The following LYN variants were observed in gnomAD, a reference collection of about 807,000 sequenced individuals.
LYN encodes LYN proto-oncogene, Src family tyrosine kinase, also known as tyrosine-protein kinase Lyn.
In LYN, 12 loss-of-function variants were observed where a neutral mutation model predicts 65.0. That is an observed-to-expected ratio of 0.18 (90% CI 0.12 to 0.30). The LOEUF is 0.30. LYN is among the 10% of genes least tolerant of loss of function. LYN has a pLI of 1.00. For synonymous variants in LYN, 222 were observed against 221.2 expected, an observed-to-expected ratio of 1.00 and a Z score of -0.03; for missense variants, 380 against 623.2, an observed-to-expected ratio of 0.61 and a Z score of 4.16.
chr8:55,909,362 C>T (rs933510723), intron 1 of LYN, among the ~76,000 whole-genome samples: 1 of 152,158 alleles, frequency 6.6e-6, no homozygotes, highest in African/African-American at 2.4e-5. Context: ...CCAGGGCCAA[C>T]AAGGCCCATG....
At chr8:55,909,239 G>A (rs1410177237) in intron 1 of LYN, among the ~76,000 whole-genome samples, 2 of 151,898 alleles carry the variant, frequency 1.3e-5, no homozygotes, top group Admixed American at 6.6e-5. Flanking sequence ...GCCAGGGTGC[G>A]ACTGCATTTC....
intron 8 of LYN, among the ~76,000 whole-genome samples, chr8:55,963,426 C>T (rs1002178531): frequency 6.6e-6 from 1 of 152,136 alleles, no homozygotes; most frequent in Non-Finnish European, 1.5e-5. Flanking sequence ...GGTGGTTATC[C>T]GGAAGGAAGT....
chr8:55,896,253 G>C (rs1805095160), intron 1 of LYN, among the ~76,000 whole-genome samples: 1 of 151,270 alleles, frequency 6.6e-6, no homozygotes, highest in South Asian at 2.1e-4. Context: ...CTGGGTAGCA[G>C]AGCAAGACTC....
intron 8 of LYN, among the ~76,000 whole-genome samples, chr8:55,958,706 A>T (rs1366990578): frequency 6.6e-6 from 1 of 152,212 alleles, no homozygotes; most frequent in Admixed American, 6.5e-5. Flanking sequence ...AATTAGAATC[A>T]TACAGTATTT....
intron 7 of LYN, among the ~76,000 whole-genome samples, chr8:55,952,421 A>G (rs1222329717): frequency 6.6e-6 from 1 of 152,016 alleles, no homozygotes; most frequent in African/African-American, 2.4e-5. Flanking sequence ...TTAGCCAGGC[A>G]TAGTGGTGCG....
chr8:55,994,859 C>CT (rs1391761973), intron 10 of LYN, among the ~76,000 whole-genome samples: 1 of 152,208 alleles, frequency 6.6e-6, no homozygotes, highest in Non-Finnish European at 1.5e-5. Flanking sequence ...TCAATTGCTG[C>CT]TGTCTCATCT....
In LYN at chr8:55,987,274, G is replaced by A. The variant is rs116230911; in HGVS notation, c.1051-11072G>A. 5.1e-3 allele frequency among the ~76,000 whole-genome samples: 777 copies of A among 152,078 alleles called. 9 individuals are homozygous for A. Among genetic ancestry groups the A allele is most frequent in the African/African-American group, 0.018 (752 of 41,466 alleles). ...CTAAAATAAAAAAAATTAGCTGAGT[G>A]TGGTGGCGAGTAGGTCCCAGCTACT... On this transcript the variant is annotated intron_variant, in intron 10 of 12. Transcript: ENST00000519728.
chr8:55,923,507 T>C (rs1054483325), intron 1 of LYN, among the ~76,000 whole-genome samples: 1 of 152,122 alleles, frequency 6.6e-6, no homozygotes, highest in African/African-American at 2.4e-5. Flanking sequence ...GCAGAAAAAA[T>C]ACAGGAGAGT....
chr8:55,933,298 T>C (rs1806322715), intron 1 of LYN, among the ~76,000 whole-genome samples: 1 of 152,200 alleles, frequency 6.6e-6, no homozygotes, highest in African/African-American at 2.4e-5. Flanking sequence ...TTGAAAACCC[T>C]CACAGAACTG....
At chr8:55,940,201 T>G (rs1806567657) in intron 1 of LYN, 1 of 152,196 alleles carries the variant, frequency 6.6e-6, no homozygotes, top group Admixed American at 6.5e-5. Flanking sequence ...CTCCTTCCTC[T>G]AGACTTAACT....
At chr8:55,962,734 AT>A (rs1296404908) in intron 8 of LYN, among the ~76,000 whole-genome samples, 1 of 152,194 alleles carries the variant, frequency 6.6e-6, no homozygotes, top group Admixed American at 6.5e-5. Flanking sequence ...ATGTTAGTCC[AT>A]TTTGCTTTGC....
rs182994646 is a variant in LYN, at chr8:55,978,588, A to G, written c.1050+8795A>G. ...AAATAGGGGTTGGATGAGGTCCCCT[A>G]GAGAGTGTGGGAAGGGGCAGAGGAC... On this transcript the variant is annotated intron_variant, in intron 10 of 12. Transcript: ENST00000519728. Among the ~76,000 whole-genome samples the G allele has an allele frequency of 1.9e-3, 284 of 152,294 alleles. 2 individuals carry two copies. Among genetic ancestry groups the G allele is most frequent in the Middle Eastern group, 0.014 (4 of 294 alleles).
chr8:55,950,650 A>G, intron 5 of LYN, 31 bp from the exon 6 acceptor site: 3 of 1,582,378 alleles, frequency 1.9e-6, no homozygotes, highest in Non-Finnish European at 2.6e-6. Flanking sequence ...GTGGAACATA[A>G]TATGCAGGAA....
intron 4 of LYN, 102 bp from the exon 5 acceptor site, chr8:55,950,356 TA>T (rs1806905176): frequency 2.6e-6 from 2 of 764,600 alleles, no homozygotes; most frequent in Non-Finnish European, 4.3e-6. Flanking sequence ...TGATATGTAA[TA>T]TCTGTACATA....
In LYN at chr8:55,982,317, TA is replaced by T. The variant is rs775207795; in HGVS notation, c.1050+12526del. 2.0e-5 allele frequency among the ~76,000 whole-genome samples: 3 copies of T among 152,172 alleles called. 1 individual carries two copies. Among genetic ancestry groups the T allele is most frequent in the Non-Finnish European group, 4.4e-5 (3 of 68,010 alleles). On this transcript the variant is annotated intron_variant, in intron 10 of 12. Coordinates refer to ENST00000519728, the MANE Select transcript of LYN (RefSeq NM_002350.4). Reference sequence around the variant, plus strand: ...TTCAGATTTGGTTTTGTTTTTTTTTTAATCCTCAGATTTTTGAATATTTGCA... The same window carrying T: ...TTCAGATTTGGTTTTGTTTTTTTTTTATCCTCAGATTTTTGAATATTTGCA...
intron 10 of LYN, among the ~76,000 whole-genome samples, chr8:55,990,239 CAAAAAAAAAAAAA>C (rs34461698): frequency 6.6e-5 from 3 of 45,410 alleles, no homozygotes; most frequent in African/African-American, 1.8e-4. Flanking sequence ...ACTCTGCCTC[CAAAAAAAAAAAAA>C]AAAAAAAAAA....
At chr8:55,962,897 A>G (rs1807328723) in intron 8 of LYN, among the ~76,000 whole-genome samples, 1 of 152,232 alleles carries the variant, frequency 6.6e-6, no homozygotes, top group African/African-American at 2.4e-5. Flanking sequence ...GGGAGTGAGC[A>G]TGTCACACAG....
At chr8:55,987,621 G>A (rs576886965) in intron 10 of LYN, among the ~76,000 whole-genome samples, 4 of 152,132 alleles carry the variant, frequency 2.6e-5, no homozygotes, top group South Asian at 2.1e-4. Context: ...TCACCACATT[G>A]GGCAGGCTGG....
intron 2 of LYN, among the ~76,000 whole-genome samples, chr8:55,943,723 A>G (rs931795491): frequency 1.3e-5 from 2 of 152,150 alleles, no homozygotes; most frequent in Non-Finnish European, 2.9e-5. Flanking sequence ...AAGGTAGGAA[A>G]TATCTGCCAT....
Sources: allele counts gnomAD v4.1 joint callset (sites outside exome capture counted in the v4.1 genomes callset), GRCh38; gene constraint gnomAD v4.1.1; transcripts MANE v1.5; gene names NCBI Gene and HGNC (gene_info 2026-07-23, HGNC 2026-07-21).